The following ITPR2 variants were observed in gnomAD, a reference collection of about 807,000 sequenced individuals.
ITPR2 encodes inositol 1,4,5-trisphosphate receptor type 2, also known as inositol 1,4,5-trisphosphate-gated calcium channel ITPR2.
Under a neutral mutation model 317.1 loss-of-function variants are expected in ITPR2, and 207 were observed. The observed-to-expected ratio is 0.65, with a 90% CI of 0.58 to 0.73. ITPR2 has a LOEUF of 0.73. Ranked by LOEUF, ITPR2 falls within the 30% of genes least tolerant of loss-of-function variation. The pLI is 0.00. For missense variants in ITPR2, 2,613 were observed against 3,284.0 expected, an observed-to-expected ratio of 0.80 and a Z score of 4.99; for synonymous variants, 1,156 against 1,149.1, an observed-to-expected ratio of 1.01 and a Z score of -0.12.
chr12:26,833,187 G>A lies in ITPR2; in HGVS notation c.-406C>T. On this transcript the variant is annotated 5_prime_UTR_variant, in exon 1 of 57. Coordinates refer to ENST00000381340, the MANE Select transcript of ITPR2 (RefSeq NM_002223.4). ...GCTGCGGCCGTCACAGCCGCCCGGC[G>A]GGAGCTGGAAGTGGCCGAGCCCCCT... The A allele has an allele frequency of 4.7e-6, 1 of 213,738 alleles. No individual in the cohort carries two copies. The highest frequency in any genetic ancestry group is 9.2e-6 in the Non-Finnish European group (1 of 108,866). 13.2% of individuals were successfully genotyped at this position (213,738 alleles called of 1,614,324 possible). A position where few individuals can be genotyped will look rare whatever the true frequency, so the allele number is the denominator to read the frequency against.
chr12:26,419,115 A>G lies in ITPR2; in HGVS notation c.7044T>C (p.Tyr2348=), dbSNP rs1312132150. 107 of 1,613,766 alleles carry G rather than the reference A, an allele frequency of 6.6e-5. No individual in the cohort carries two copies. Among genetic ancestry groups the G allele is most frequent in the Non-Finnish European group, 8.8e-5 (104 of 1,179,862 alleles). Residue 2348 remains tyrosine (Y), a synonymous_variant, in exon 50 of 57, where the codon TAT becomes TAC. Transcript: ENST00000381340. ...RAVILDMAFL[Y]HVAYVLVCML... ...TGCAAACCAGGACATACGCCACGTG[A>G]TAGAGAAAGGCCATATCCAGGATGA...
intron 37 of ITPR2, among the ~76,000 whole-genome samples, chr12:26,500,708 A>AC (rs1943051984): frequency 6.6e-6 from 1 of 152,174 alleles, no homozygotes; most frequent in African/African-American, 2.4e-5. Flanking sequence ...GGTTTTTCCC[A>AC]CCCACTCCCT....
chr12:26,801,784 T>C (rs1005291248), intron 1 of ITPR2, among the ~76,000 whole-genome samples: 1 of 152,148 alleles, frequency 6.6e-6, no homozygotes, highest in Non-Finnish European at 1.5e-5. Flanking sequence ...TGCCAGTTAC[T>C]CACTGTATAA....
chr12:26,360,099 G>A lies in ITPR2; in HGVS notation c.7858-19771C>T, dbSNP rs1397795031. ...TATTTTTGTCTCCGTTTCTTTGCAA[G>A]GGCATTCTGTGGTCAGGTTTCCTAA... is the stretch of plus-strand genomic sequence containing the variant. On this transcript the variant is annotated intron_variant, in intron 55 of 56. Coordinates refer to ENST00000381340, the MANE Select transcript of ITPR2 (RefSeq NM_002223.4). Among the ~76,000 whole-genome samples, 5 of 152,144 alleles carry A rather than the reference G, an allele frequency of 3.3e-5. No individual in the cohort carries two copies. The East Asian group carries it at 5.8e-4, about 18-fold the overall frequency.
intron 52 of ITPR2, among the ~76,000 whole-genome samples, chr12:26,408,109 A>G (rs1940416636): frequency 6.6e-6 from 1 of 152,178 alleles, no homozygotes. Context: ...ACTGTTAGTA[A>G]TACTCACCTT....
chr12:26,667,611 T>TAAAAC lies in ITPR2; in HGVS notation c.1410-1565_1410-1561dup, dbSNP rs148448973. 7.8e-3 allele frequency among the ~76,000 whole-genome samples: 1,181 copies of TAAAAC among 152,268 alleles called. 19 individuals are homozygous for TAAAAC. Among genetic ancestry groups the TAAAAC allele is most frequent in the African/African-American group, 0.027 (1,117 of 41,550 alleles). ...GTCCTCCAAATCATTCTGTTGCTCT[T>TAAAAC]AAAACAAAACAAAACAAATTTGGAG... On this transcript the variant is annotated intron_variant, in intron 13 of 56. Coordinates refer to ENST00000381340, the MANE Select transcript of ITPR2 (RefSeq NM_002223.4).
rs193248435 is a variant in ITPR2 at position 26,531,926 on chromosome 12, A to C, written c.5073+18321T>G. Among the ~76,000 whole-genome samples, 83 of 152,360 alleles carry C rather than the reference A, an allele frequency of 5.4e-4. 2 individuals are homozygous for C. The East Asian group carries it at 0.015, about 27-fold the overall frequency. On this transcript the variant is annotated intron_variant, in intron 37 of 56. Coordinates refer to ENST00000381340, the MANE Select transcript of ITPR2 (RefSeq NM_002223.4). The stretch of plus-strand genomic sequence containing the variant: ...TGATTGGCATAAGAGAACTGGTTAA[A>C]ATATACTAGAAGCAGGAAAACTTTA...
rs889704973 is a variant in ITPR2 at position 26,452,121 on chromosome 12, C to A, written c.6343-8471G>T. Among the ~76,000 whole-genome samples, 5 of 152,144 alleles carry A rather than the reference C, an allele frequency of 3.3e-5. No homozygotes were observed. The South Asian group carries it at 1.0e-3, about 31-fold the overall frequency. ...AGTACACCCCTCTCCCCCTGCACCC[C>A]ACCATCTGTTTTAACAAGCCCTCCA... On this transcript the variant is annotated intron_variant, in intron 45 of 56. Transcript: ENST00000381340.
chr12:26,773,508 G>T (rs951054549), intron 2 of ITPR2, among the ~76,000 whole-genome samples: 1 of 152,148 alleles, frequency 6.6e-6, no homozygotes, highest in Non-Finnish European at 1.5e-5. Context: ...CATGCACCAC[G>T]ATTGTTCCTT....
At chr12:26,743,393 G>T (rs1318231149) in intron 2 of ITPR2, among the ~76,000 whole-genome samples, 2 of 151,894 alleles carry the variant, frequency 1.3e-5, no homozygotes, top group East Asian at 3.9e-4. Flanking sequence ...AATTTATCAA[G>T]CTTACATTTA....
intron 45 of ITPR2, among the ~76,000 whole-genome samples, chr12:26,462,092 T>C (rs1213155382): frequency 6.6e-6 from 1 of 152,140 alleles, no homozygotes; most frequent in East Asian, 1.9e-4. Context: ...CTGAGCAATC[T>C]CATCACATAA....
At chr12:26,790,317 A>G in intron 1 of ITPR2, 90 bp from the exon 2 acceptor site, 2 of 1,009,332 alleles carry the variant, frequency 2.0e-6, no homozygotes, top group Non-Finnish European at 3.1e-6. Flanking sequence ...ATATTTACCA[A>G]AAGTTTTAAT....
chr12:26,719,433 T>C lies in ITPR2; in HGVS notation c.525+2964A>G, dbSNP rs1445678031. 2.0e-5 allele frequency among the ~76,000 whole-genome samples: 3 copies of C among 152,186 alleles called. No homozygotes were observed. In the East Asian group the frequency reaches 5.8e-4, roughly 29 times the overall value. Reference sequence around the variant, plus strand: ...GCAATTCCAAAAGCACTTCTGTTGATTCTATGTAAGAGCCATGTAAGATTC... The same window carrying C: ...GCAATTCCAAAAGCACTTCTGTTGACTCTATGTAAGAGCCATGTAAGATTC... On this transcript the variant is annotated intron_variant, in intron 5 of 56. Transcript: ENST00000381340.
At chr12:26,398,850 T>C in intron 54 of ITPR2, 26 bp downstream of exon 54, 2 of 1,583,310 alleles carry the variant, frequency 1.3e-6, no homozygotes, top group Non-Finnish European at 1.7e-6. Context: ...ATTCATCTAT[T>C]ATTTTAGCAT....
intron 10 of ITPR2, among the ~76,000 whole-genome samples, 189 bp from the exon 11 acceptor site, chr12:26,686,821 G>A (rs1948136288): frequency 6.6e-6 from 1 of 152,176 alleles, no homozygotes; most frequent in Admixed American, 6.5e-5. Flanking sequence ...ACAATGATGA[G>A]TCCCACACTC....
chr12:26,539,559 C>G (rs1472184523), intron 37 of ITPR2, among the ~76,000 whole-genome samples: 1 of 152,216 alleles, frequency 6.6e-6, no homozygotes, highest in African/African-American at 2.4e-5. Flanking sequence ...ATGGCTGGAA[C>G]CCCCTCCCCA....
intron 34 of ITPR2, among the ~76,000 whole-genome samples, chr12:26,567,969 T>TA (rs1491378302): frequency 1.8e-3 from 26 of 14,402 alleles, no homozygotes; most frequent in African/African-American, 5.2e-3. Context: ...TATATATATA[T>TA]TATATATATT....
At chr12:26,785,687 C>A (rs1275773201) in intron 2 of ITPR2, among the ~76,000 whole-genome samples, 1 of 30,456 alleles carries the variant, frequency 3.3e-5, no homozygotes, top group Non-Finnish European at 7.5e-5. Flanking sequence ...CCAGCCGCCC[C>A]GTCCGGGAGG....
intron 55 of ITPR2, among the ~76,000 whole-genome samples, chr12:26,352,217 G>A (rs961402508): frequency 3.9e-5 from 6 of 152,216 alleles, no homozygotes; most frequent in African/African-American, 1.2e-4. Context: ...GCTCTTGCCT[G>A]AGATTTTCAT....
Sources: gnomAD v4.1 joint callset for allele counts (sites outside exome capture counted in the v4.1 genomes callset) on GRCh38, gnomAD v4.1.1 for gene constraint, MANE v1.5 for transcripts, NCBI Gene and HGNC (gene_info 2026-07-23, HGNC 2026-07-21) for gene names.